SYNRG: variants seen among roughly 807,000 people sequenced by gnomAD.
SYNRG encodes AP1 gamma subunit binding protein 1.
SYNRG carries 37 observed loss-of-function variants against 130.9 expected under a neutral mutation model. The ratio of observed to expected loss-of-function variants is 0.28; its 90% CI spans 0.22 to 0.37. The LOEUF is 0.37. SYNRG is among the 10% of genes least tolerant of loss of function. SYNRG has a pLI of 1.00. For synonymous variants in SYNRG, 539 were observed against 568.1 expected (o/e 0.95, Z 0.73); for missense variants, 1,338 against 1,588.9 (o/e 0.84, Z 2.68).
rs543179492 is a variant in SYNRG, at chr17:37,587,001, G to A, written c.241-452C>T. Among the ~76,000 whole-genome samples the A allele has an allele frequency of 4.6e-5, 7 of 152,034 alleles. No homozygotes were observed. The South Asian group carries it at 6.2e-4, about 14-fold the overall frequency. On this transcript the variant is annotated intron_variant, in intron 3 of 21. Coordinates refer to ENST00000612223, the MANE Select transcript of SYNRG (RefSeq NM_007247.6). Reference sequence around the variant, plus strand: ...TCTGATTTTCCAATATATATGAGAGGATAATGAATATTTTGATGTTATCAA... The same window carrying A: ...TCTGATTTTCCAATATATATGAGAGAATAATGAATATTTTGATGTTATCAA...
intron 14 of SYNRG, among the ~76,000 whole-genome samples, chr17:37,547,965 G>C (rs1017806391): frequency 6.6e-6 from 1 of 152,206 alleles, no homozygotes; most frequent in African/African-American, 2.4e-5. Context: ...TTTCGCAAAA[G>C]AAGTTTAAGT....
chr17:37,572,203 G>A (rs9915611), intron 8 of SYNRG, among the ~76,000 whole-genome samples: 2 of 152,178 alleles, frequency 1.3e-5, no homozygotes, highest in African/African-American at 4.8e-5. Context: ...AAGGCCAGCA[G>A]ATCATCTGAG....
At chr17:37,522,569 G>C (rs914679972) in intron 19 of SYNRG, among the ~76,000 whole-genome samples, 1 of 151,644 alleles carries the variant, frequency 6.6e-6, no homozygotes, top group African/African-American at 2.4e-5. Context: ...CTGGGCTCAA[G>C]CAATCCTCCC....
chr17:37,565,639 G>A (rs902001544), intron 11 of SYNRG, among the ~76,000 whole-genome samples: 1 of 151,690 alleles, frequency 6.6e-6, no homozygotes, highest in African/African-American at 2.4e-5. Flanking sequence ...AGGAAGTGAG[G>A]AGCGTCTCTG....
intron 1 of SYNRG, among the ~76,000 whole-genome samples, chr17:37,608,960 C>T (rs2064094262): frequency 6.6e-6 from 1 of 151,980 alleles, no homozygotes; most frequent in African/African-American, 2.4e-5. Context: ...GGACTAGGAG[C>T]GGAGTCGCGG....
rs772559156 is a variant in SYNRG at position 37,570,824 on chromosome 17, G to A, written c.1160C>T (p.Thr387Ile). 1.9e-6 allele frequency: 3 copies of A among 1,614,076 alleles called. No individual in the cohort carries two copies. Among genetic ancestry groups the A allele is most frequent in the African/African-American group, 1.3e-5 (1 of 74,922 alleles). The change falls in exon 10 of 22, where the codon ACT becomes ATT. Residue 387 changes from threonine (T) to isoleucine (I), a missense_variant. Physicochemically the swap from Thr to Ile is moderately conservative, Grantham distance 89. Transcript: ENST00000612223. ...LNQFPAAPIP[T>I]LSGFSMTLPT... Reference sequence around the variant, plus strand: ...CAGAGTCATAGAAAAGCCACTTAAAGTTGGAATAGGAGCTGCTGGGAACTG... The same window carrying A: ...CAGAGTCATAGAAAAGCCACTTAAAATTGGAATAGGAGCTGCTGGGAACTG...
chr17:37,522,202 C>T (rs2055177841), intron 19 of SYNRG, among the ~76,000 whole-genome samples: 1 of 147,986 alleles, frequency 6.8e-6, no homozygotes, highest in African/African-American at 2.5e-5. Context: ...CGTCCAGTCA[C>T]TCTGTTGCTC....
intron 2 of SYNRG, among the ~76,000 whole-genome samples, chr17:37,597,517 G>T (rs2062880696): frequency 6.6e-6 from 1 of 152,184 alleles, no homozygotes. Flanking sequence ...CTATGCCTTG[G>T]TTTATCATTT....
At chr17:37,589,187 C>T (rs963672793) in intron 3 of SYNRG, among the ~76,000 whole-genome samples, 12 of 152,116 alleles carry the variant, frequency 7.9e-5, no homozygotes, top group African/African-American at 2.7e-4. Context: ...TCAGTCAGAG[C>T]CCCAACAGTG....
chr17:37,572,880 TA>T (rs1424274434), intron 8 of SYNRG, among the ~76,000 whole-genome samples: 9 of 152,266 alleles, frequency 5.9e-5, no homozygotes, highest in African/African-American at 2.2e-4. Flanking sequence ...AGGGCTAAAA[TA>T]AAGAATGCCA....
intron 16 of SYNRG, among the ~76,000 whole-genome samples, chr17:37,539,915 CTGTG>C (rs1001359813): frequency 2.6e-5 from 4 of 152,106 alleles, no homozygotes; most frequent in African/African-American, 9.7e-5. Context: ...CGCTGTGTGG[CTGTG>C]TGTGAGGACG....
intron 16 of SYNRG, among the ~76,000 whole-genome samples, chr17:37,539,892 G>A (rs552927490): frequency 3.9e-5 from 6 of 152,226 alleles, no homozygotes; most frequent in African/African-American, 7.2e-5. Context: ...GGCTTTCCAC[G>A]CCCCAGTTAT....
chr17:37,586,471 G>C lies in SYNRG; in HGVS notation c.319C>G (p.Pro107Ala), dbSNP rs559604350. 5 of 1,614,186 alleles carry C rather than the reference G, an allele frequency of 3.1e-6. No individual in the cohort carries two copies. In the East Asian group the frequency reaches 1.1e-4, roughly 36 times the overall value. Residue 107 changes from proline (P) to alanine (A), a missense_variant, in exon 4 of 22, where the codon CCA becomes GCA. Pro to Ala is a conservative substitution (Grantham distance 27). Transcript: ENST00000612223. ...GQAPFLGMRP[P>A]GPQYTPDMQK... The stretch of plus-strand genomic sequence containing the variant: ...ATGTCTGGAGTGTACTGTGGGCCTG[G>C]AGGACGCATGCCCAGGAAGGGTGCT...
At chr17:37,583,349 TC>T (rs2061473165) in intron 6 of SYNRG, among the ~76,000 whole-genome samples, 2 of 152,306 alleles carry the variant, frequency 1.3e-5, no homozygotes, top group Non-Finnish European at 2.9e-5. Context: ...GATATGTTTT[TC>T]CTTTCTAATC....
chr17:37,553,841 C>G lies in SYNRG; in HGVS notation c.1882G>C (p.Glu628Gln). ...DMFSSVNCSS[E>Q]KPLSFSAVFS... ...ACAGCTGAAAAAGACAATGGTTTCT[C>G]GCTGCTGCAATTAACTGAGGAAAAC... The change falls in exon 14 of 22, where the codon GAG becomes CAG. Residue 628 changes from glutamate (E) to glutamine (Q), a missense_variant. Coordinates refer to ENST00000612223, the MANE Select transcript of SYNRG (RefSeq NM_007247.6). 6.2e-7 allele frequency: 1 copy of G among 1,612,966 alleles called. No homozygotes were observed. The highest frequency in any genetic ancestry group is 1.3e-5 in the African/African-American group (1 of 74,954).
At chr17:37,551,798 A>C (rs1044184457) in intron 14 of SYNRG, among the ~76,000 whole-genome samples, 4 of 151,236 alleles carry the variant, frequency 2.6e-5, no homozygotes, top group Admixed American at 1.3e-4. Context: ...AAAAAAAAAA[A>C]CCAACAAAAC....
intron 14 of SYNRG, among the ~76,000 whole-genome samples, chr17:37,551,954 C>T (rs561905508): frequency 6.6e-6 from 1 of 151,710 alleles, no homozygotes; most frequent in East Asian, 1.9e-4. Flanking sequence ...TTGAAAAATA[C>T]CTTAGCAAGT....
chr17:37,588,741 C>T (rs1202474005), intron 3 of SYNRG, among the ~76,000 whole-genome samples: 2 of 144,130 alleles, frequency 1.4e-5, no homozygotes, highest in South Asian at 2.2e-4. Context: ...TAGAATTATT[C>T]TTTTTTTTTT....
At chr17:37,531,448 G>GA (rs1355999457) in intron 19 of SYNRG, among the ~76,000 whole-genome samples, 1 of 151,832 alleles carries the variant, frequency 6.6e-6, no homozygotes, top group East Asian at 1.9e-4. Flanking sequence ...AAAGAAAGTT[G>GA]AAAAAAATGA....
Sources: allele counts gnomAD v4.1 joint callset (sites outside exome capture counted in the v4.1 genomes callset), GRCh38; gene constraint gnomAD v4.1.1; transcripts MANE v1.5; gene names NCBI Gene and HGNC (gene_info 2026-07-23, HGNC 2026-07-21).